PLA2G4A: variants seen among roughly 807,000 people sequenced by gnomAD.
PLA2G4A encodes the protein cytosolic phospholipase A2.
PLA2G4A carries 40 observed loss-of-function variants against 81.9 expected under a neutral mutation model. That is an observed-to-expected ratio of 0.49 (90% CI 0.38 to 0.64). The LOEUF (loss-of-function observed/expected upper bound fraction) is 0.64. Among genes scored for constraint, PLA2G4A ranks in the 30% least tolerant of loss-of-function variants. The pLI, the probability that PLA2G4A is intolerant of heterozygous loss-of-function variation, is 0.00. For missense variants in PLA2G4A, 715 were observed against 905.1 expected (o/e 0.79, Z 2.69); for synonymous variants, 302 against 296.9 (o/e 1.02, Z -0.18).
chr1:186,830,083 C>A (rs1352546559), intron 1 of PLA2G4A, among the ~76,000 whole-genome samples: 1 of 152,148 alleles, frequency 6.6e-6, no homozygotes, highest in Non-Finnish European at 1.5e-5. Context: ...TTTAAAGTTA[C>A]ATTCTACAGG....
chr1:186,913,938 A>G (rs1436615844), intron 7 of PLA2G4A, among the ~76,000 whole-genome samples: 2 of 152,184 alleles, frequency 1.3e-5, no homozygotes, highest in Admixed American at 6.5e-5. Context: ...TACTGATGCT[A>G]TAGTGACTTG....
intron 14 of PLA2G4A, among the ~76,000 whole-genome samples, chr1:186,964,359 T>C (rs1315831766): frequency 1.3e-5 from 2 of 152,218 alleles, no homozygotes; most frequent in Non-Finnish European, 2.9e-5. Context: ...GTGTTATCAG[T>C]ATTATTTTTT....
At chr1:186,882,439 T>C (rs1653771544) in intron 3 of PLA2G4A, among the ~76,000 whole-genome samples, 1 of 152,154 alleles carries the variant, frequency 6.6e-6, no homozygotes, top group South Asian at 2.1e-4. Flanking sequence ...TAACAACATG[T>C]ACAACTAAAA....
intron 3 of PLA2G4A, among the ~76,000 whole-genome samples, chr1:186,873,445 A>G (rs952605709): frequency 3.3e-5 from 5 of 152,106 alleles, no homozygotes; most frequent in Non-Finnish European, 5.9e-5. Flanking sequence ...TAGTGTCTGC[A>G]CTTATTTATA....
Position 186,977,794 on chromosome 1 carries a change from T to C in PLA2G4A, c.1960+6T>C, listed in dbSNP as rs372854495. On this transcript the variant is annotated splice_donor_region_variant and intron_variant, in intron 16 of 17. Coordinates refer to ENST00000367466, the MANE Select transcript of PLA2G4A (RefSeq NM_024420.3). The stretch of plus-strand genomic sequence containing the variant: ...CAGAAAGTACAGGGCTCCAGGTAAG[T>C]AGGGAGTAAGCTGTATTCCATAAAA... 9 of 1,572,910 alleles carry C rather than the reference T, an allele frequency of 5.7e-6. No homozygotes were observed. The highest frequency in any genetic ancestry group is 1.7e-4 in the Middle Eastern group (1 of 5,994).
At chr1:186,829,265 C>G (rs1328093182) in intron 1 of PLA2G4A, among the ~76,000 whole-genome samples, 1 of 152,152 alleles carries the variant, frequency 6.6e-6, no homozygotes, top group Non-Finnish European at 1.5e-5. Flanking sequence ...TCTAAATGCA[C>G]TGTGGAGTCA....
chr1:186,889,256 G>A (rs1654049174), intron 3 of PLA2G4A, among the ~76,000 whole-genome samples: 1 of 152,168 alleles, frequency 6.6e-6, no homozygotes, highest in Non-Finnish European at 1.5e-5. Context: ...TTCCCCTTTT[G>A]TCTAAAATAG....
intron 3 of PLA2G4A, among the ~76,000 whole-genome samples, chr1:186,884,873 CAG>C (rs758249182): frequency 1.5e-5 from 2 of 137,584 alleles, no homozygotes; most frequent in African/African-American, 5.6e-5. Context: ...GGCTGGTTGA[CAG>C]AGTAAGATCC....
At chr1:186,860,143 T>C (rs1047260406) in intron 2 of PLA2G4A, among the ~76,000 whole-genome samples, 3 of 152,082 alleles carry the variant, frequency 2.0e-5, no homozygotes, top group Non-Finnish European at 4.4e-5. Context: ...TCAGGACCAA[T>C]AGGAGATATT....
chr1:186,932,104 C>T (rs1655765891), intron 7 of PLA2G4A, among the ~76,000 whole-genome samples: 1 of 152,056 alleles, frequency 6.6e-6, no homozygotes, highest in Non-Finnish European at 1.5e-5. Context: ...TTCTGCTCAC[C>T]TTACATGATT....
chr1:186,970,223 T>A (rs1057279467), intron 15 of PLA2G4A, among the ~76,000 whole-genome samples: 9 of 152,086 alleles, frequency 5.9e-5, no homozygotes, highest in Non-Finnish European at 1.2e-4. Flanking sequence ...TTGCGAAGTA[T>A]CTATTCAGAT....
chr1:186,856,959 C>G (rs1279810794), intron 2 of PLA2G4A, among the ~76,000 whole-genome samples: 1 of 148,198 alleles, frequency 6.7e-6, no homozygotes. Context: ...GAACACAAAA[C>G]ATTTCAAAAA....
chr1:186,882,163 T>A (rs1379260238), intron 3 of PLA2G4A, among the ~76,000 whole-genome samples: 3 of 152,248 alleles, frequency 2.0e-5, no homozygotes, highest in South Asian at 4.1e-4. Context: ...TGAAGCTTTA[T>A]GTGGAATTAT....
chr1:186,843,813 C>G (rs568378890), intron 1 of PLA2G4A, among the ~76,000 whole-genome samples: 6 of 152,156 alleles, frequency 3.9e-5, no homozygotes. Context: ...AGCTCTTTCA[C>G]GTTTTCAAAT....
chr1:186,875,408 C>T (rs1653429412), intron 3 of PLA2G4A, among the ~76,000 whole-genome samples: 2 of 151,986 alleles, frequency 1.3e-5, no homozygotes, highest in South Asian at 4.1e-4. Flanking sequence ...CTTAATACCA[C>T]AATTATAATG....
At chr1:186,885,869 C>A (rs1404583644) in intron 3 of PLA2G4A, among the ~76,000 whole-genome samples, 1 of 151,616 alleles carries the variant, frequency 6.6e-6, no homozygotes, top group Non-Finnish European at 1.5e-5. Flanking sequence ...ACACAAAAGA[C>A]AAATAAGGAA....
At chr1:186,942,225 G>A (rs1038786936) in intron 10 of PLA2G4A, among the ~76,000 whole-genome samples, 1 of 152,032 alleles carries the variant, frequency 6.6e-6, no homozygotes, top group Non-Finnish European at 1.5e-5. Flanking sequence ...AAAAGTAAGC[G>A]CCATAATGAA....
intron 7 of PLA2G4A, among the ~76,000 whole-genome samples, chr1:186,912,768 A>G (rs1224845279): frequency 2.2e-5 from 3 of 138,450 alleles, no homozygotes; most frequent in Non-Finnish European, 4.6e-5. Flanking sequence ...ATACATAAGT[A>G]TATATATATG....
intron 15 of PLA2G4A, among the ~76,000 whole-genome samples, chr1:186,972,989 C>T (rs1177238855): frequency 6.6e-6 from 1 of 152,202 alleles, no homozygotes; most frequent in African/African-American, 2.4e-5. Flanking sequence ...GCCCACATCA[C>T]AGCCAAATCA....
Sources: gnomAD v4.1 joint callset for allele counts (sites outside exome capture counted in the v4.1 genomes callset) on GRCh38, gnomAD v4.1.1 for gene constraint, MANE v1.5 for transcripts, NCBI Gene and HGNC (gene_info 2026-07-23, HGNC 2026-07-21) for gene names.